The following SHTN1 variants were observed in gnomAD, a reference collection of about 807,000 sequenced individuals.
The protein encoded by SHTN1 is shootin 1.
A neutral mutation model predicts 83.1 loss-of-function variants in SHTN1; 42 were observed. The observed-to-expected ratio is 0.51, with a 90% confidence interval of 0.39 to 0.65. The LOEUF (loss-of-function observed/expected upper bound fraction) is 0.65. Ranked by LOEUF, SHTN1 falls within the 30% of genes least tolerant of loss-of-function variation. SHTN1 has a pLI of 0.00. For missense variants in SHTN1, 622 were observed against 737.8 expected (o/e 0.84, Z 1.82); for synonymous variants, 224 against 247.7 (o/e 0.90, Z 0.90).
At chr10:116,917,392 C>T (rs749937703) in intron 12 of SHTN1, among the ~76,000 whole-genome samples, 9 of 152,170 alleles carry the variant, frequency 5.9e-5, no homozygotes, top group Admixed American at 1.3e-4. Context: ...GCAACCTCCA[C>T]CTCCCGGGTT....
At position 116,921,430 on chromosome 10, in the gene SHTN1, T is replaced by C; in HGVS notation, c.1195+4A>G. On this transcript the variant is annotated splice_donor_region_variant and intron_variant, in intron 12 of 16. Coordinates refer to ENST00000355371, the MANE Select transcript of SHTN1 (RefSeq NM_001127211.3). Reference sequence around the variant, plus strand: ...CCACTTACACCAATAGAAGTGATGCTTACTTGTTTCTGGTTGAGTTGCCTT... The same window carrying C: ...CCACTTACACCAATAGAAGTGATGCCTACTTGTTTCTGGTTGAGTTGCCTT... 3 of 1,609,750 alleles carry C rather than the reference T, an allele frequency of 1.9e-6. No homozygotes were observed. The highest frequency in any genetic ancestry group is 2.6e-6 in the Non-Finnish European group (3 of 1,176,342).
At chr10:116,934,285 T>C (rs919885632) in intron 9 of SHTN1, among the ~76,000 whole-genome samples, 2 of 152,222 alleles carry the variant, frequency 1.3e-5, no homozygotes, top group African/African-American at 2.4e-5. Context: ...CCTAGGGTTT[T>C]TATGGTTTTA....
At position 116,963,556 on chromosome 10, in the gene SHTN1, G is replaced by A. The variant is rs1589848590; in HGVS notation, c.173-3326C>T. 2.0e-5 allele frequency among the ~76,000 whole-genome samples: 3 copies of A among 152,258 alleles called. No individual in the cohort carries two copies. In the South Asian group the frequency reaches 6.2e-4, roughly 32 times the overall value. On this transcript the variant is annotated intron_variant, in intron 3 of 16. Coordinates refer to ENST00000355371, the MANE Select transcript of SHTN1 (RefSeq NM_001127211.3). ...TTAATAAAGTGTCCGTAATACTGCA[G>A]TTATGTTAAAAAGAAAAGACTACTA... is the stretch of plus-strand genomic sequence containing the variant.
At chr10:116,966,396 T>C (rs1850398158) in intron 3 of SHTN1, among the ~76,000 whole-genome samples, 2 of 152,138 alleles carry the variant, frequency 1.3e-5, no homozygotes, top group African/African-American at 4.8e-5. Flanking sequence ...AAAAAAAGAA[T>C]TAGTACTCTG....
At chr10:117,092,148 G>T (rs981904852) in intron 1 of SHTN1, among the ~76,000 whole-genome samples, 1 of 152,186 alleles carries the variant, frequency 6.6e-6, no homozygotes, top group Non-Finnish European at 1.5e-5. Flanking sequence ...ACTTAGATTT[G>T]CATTCACTAT....
At chr10:117,043,121 ATATT>A (rs71013634) in intron 2 of SHTN1, among the ~76,000 whole-genome samples, 3,302 of 147,936 alleles carry the variant, frequency 0.022, 43 homozygotes, top group Non-Finnish European at 0.033. Context: ...GTGGATCTTT[ATATT>A]TATTTATTTA....
intron 2 of SHTN1, among the ~76,000 whole-genome samples, chr10:117,021,366 C>G (rs1266229733): frequency 6.6e-6 from 1 of 152,144 alleles, no homozygotes; most frequent in African/African-American, 2.4e-5. Flanking sequence ...GATCATGCCA[C>G]TGCACTCCAG....
chr10:116,923,110 T>G (rs1045790497), intron 11 of SHTN1, among the ~76,000 whole-genome samples: 7 of 152,078 alleles, frequency 4.6e-5, no homozygotes, highest in African/African-American at 1.4e-4. Context: ...GCAAGAAAAT[T>G]TTTCTTCAAT....
chr10:116,944,685 G>C (rs1255448688), intron 8 of SHTN1, among the ~76,000 whole-genome samples: 2 of 152,012 alleles, frequency 1.3e-5, no homozygotes, highest in Non-Finnish European at 2.9e-5. Context: ...GAGATAAGGA[G>C]ATCAAGACCA....
intron 1 of SHTN1, among the ~76,000 whole-genome samples, chr10:117,094,243 T>G (rs1403572350): frequency 6.6e-6 from 1 of 152,218 alleles, no homozygotes; most frequent in Non-Finnish European, 1.5e-5. Context: ...GTGTCACAGA[T>G]GTTGCCACAC....
At chr10:117,053,145 G>A (rs182174155) in intron 1 of SHTN1, among the ~76,000 whole-genome samples, 40 of 151,542 alleles carry the variant, frequency 2.6e-4, no homozygotes, top group Middle Eastern at 3.4e-3. Context: ...AAGTTTTATG[G>A]AAGAAAGAAG....
intron 1 of SHTN1, among the ~76,000 whole-genome samples, chr10:117,072,960 A>C (rs1229040181): frequency 6.6e-6 from 1 of 152,190 alleles, no homozygotes; most frequent in East Asian, 1.9e-4. Flanking sequence ...AAATCCAAAA[A>C]ATGATACAAG....
At chr10:116,917,581 A>G (rs570421498) in intron 12 of SHTN1, among the ~76,000 whole-genome samples, 2 of 152,254 alleles carry the variant, frequency 1.3e-5, no homozygotes, top group Non-Finnish European at 2.9e-5. Context: ...GCATGGTGAT[A>G]GGAACACCGC....
At chr10:116,887,656 C>T (rs1847209104) in intron 16 of SHTN1, among the ~76,000 whole-genome samples, 1 of 152,152 alleles carries the variant, frequency 6.6e-6, no homozygotes. Context: ...CACCTAATAC[C>T]TCTCCCTTGT....
At chr10:116,898,378 A>G (rs1031606621) in intron 16 of SHTN1, among the ~76,000 whole-genome samples, 2 of 151,968 alleles carry the variant, frequency 1.3e-5, no homozygotes, top group Admixed American at 1.3e-4. Context: ...ATACCCACCC[A>G]CTGATTGGCC....
intron 1 of SHTN1, among the ~76,000 whole-genome samples, chr10:116,997,694 T>C (rs1851673060): frequency 6.6e-6 from 1 of 152,218 alleles, no homozygotes; most frequent in African/African-American, 2.4e-5. Flanking sequence ...ATCATCTAGC[T>C]GACATAGTGT....
At chr10:117,057,815 T>C (rs1267357432) in intron 1 of SHTN1, among the ~76,000 whole-genome samples, 1 of 152,178 alleles carries the variant, frequency 6.6e-6, no homozygotes, top group Non-Finnish European at 1.5e-5. Flanking sequence ...ATCTGATCTC[T>C]AGAGTTACCA....
intron 1 of SHTN1, among the ~76,000 whole-genome samples, chr10:117,099,226 T>A (rs1853554016): frequency 6.6e-6 from 1 of 151,940 alleles, no homozygotes. Context: ...TCTTGGAGAC[T>A]CAGGGTGGGG....
Position 116,906,657 on chromosome 10 carries a change from T to C in SHTN1, c.1450A>G (p.Arg484Gly). ...CTATCTGCTTCTGCTGTCACCTTTC[T>C]GCGACGCAAAATCCTTTCTAACTCA... is the stretch of plus-strand genomic sequence containing the variant. ...ETELERILRR[R>G]KVTAEADSSS... Residue 484 changes from arginine to glycine, a missense_variant, in exon 15 of 17, where the codon AGA becomes GGA. Around this residue, in one of 3 missense-constraint regions of SHTN1, gnomAD observed 231 missense variants for 251.6 expected, o/e 0.92. Coordinates refer to ENST00000355371, the MANE Select transcript of SHTN1 (RefSeq NM_001127211.3). 1.2e-6 allele frequency: 2 copies of C among 1,613,540 alleles called. No individual in the cohort carries two copies. The highest frequency in any genetic ancestry group is 8.5e-7 in the Non-Finnish European group (1 of 1,179,646).
Sources: allele counts gnomAD v4.1 joint callset (sites outside exome capture counted in the v4.1 genomes callset), GRCh38; gene constraint gnomAD v4.1.1; regional missense constraint gnomAD v4.1.1; transcripts MANE v1.5; gene names NCBI Gene and HGNC (gene_info 2026-07-23, HGNC 2026-07-21).